PHACTR1: variants seen among roughly 807,000 people sequenced by gnomAD.
PHACTR1 encodes RPEL repeat containing 1.
PHACTR1 carries 16 observed loss-of-function variants against 69.2 expected under a neutral mutation model. The observed-to-expected ratio is 0.23, with a 90% CI of 0.16 to 0.35. The LOEUF (loss-of-function observed/expected upper bound fraction) is 0.35, where lower values mean the gene tolerates loss of function less well. PHACTR1 is among the 10% of genes least tolerant of loss of function. PHACTR1 has a pLI of 1.00. For synonymous variants in PHACTR1, 312 were observed against 284.5 expected (o/e 1.10, Z -0.97); for missense variants, 510 against 734.7 (o/e 0.69, Z 3.54).
chr6:13,200,659 C>G (rs558606159), intron 7 of PHACTR1, among the ~76,000 whole-genome samples: 4 of 152,056 alleles, frequency 2.6e-5, no homozygotes, highest in South Asian at 2.1e-4. Context: ...CAATGCTGGG[C>G]CAGGTGGCCA....
intron 5 of PHACTR1, among the ~76,000 whole-genome samples, chr6:13,099,310 C>T (rs1459223437): frequency 6.6e-6 from 1 of 152,244 alleles, no homozygotes; most frequent in African/African-American, 2.4e-5. Context: ...CGTTTGTCAC[C>T]TCCAGTAGAA....
At chr6:12,908,236 G>C (rs1269342545) in intron 4 of PHACTR1, among the ~76,000 whole-genome samples, 1 of 152,102 alleles carries the variant, frequency 6.6e-6, no homozygotes, top group Admixed American at 6.5e-5. Flanking sequence ...CTTCAAGATC[G>C]TTATCGAGTT....
intron 5 of PHACTR1, among the ~76,000 whole-genome samples, chr6:13,062,666 C>T (rs1196817799): frequency 1.3e-5 from 2 of 152,202 alleles, no homozygotes; most frequent in African/African-American, 2.4e-5. Flanking sequence ...CCAGATTTCT[C>T]ATTCCTCTAT....
intron 4 of PHACTR1, among the ~76,000 whole-genome samples, chr6:12,971,315 C>T (rs1794168099): frequency 6.6e-6 from 1 of 152,214 alleles, no homozygotes; most frequent in Admixed American, 6.5e-5. Context: ...GCACATCATA[C>T]TTAGCTGTCT....
At chr6:13,156,805 G>T (rs1237908522) in intron 5 of PHACTR1, among the ~76,000 whole-genome samples, 1 of 151,986 alleles carries the variant, frequency 6.6e-6, no homozygotes, top group Non-Finnish European at 1.5e-5. Flanking sequence ...ATCCTCCTTG[G>T]CCTTTCTCTT....
chr6:12,870,973 A>C (rs903019220), intron 4 of PHACTR1, among the ~76,000 whole-genome samples: 2 of 152,170 alleles, frequency 1.3e-5, no homozygotes, highest in Non-Finnish European at 2.9e-5. Flanking sequence ...TGAGACTAAG[A>C]CTCGAGTAAT....
intron 3 of PHACTR1, among the ~76,000 whole-genome samples, chr6:12,723,371 G>T (rs1762368689): frequency 6.6e-6 from 1 of 151,994 alleles, no homozygotes; most frequent in Non-Finnish European, 1.5e-5. Context: ...TAGACCTAGA[G>T]AATCAGAATC....
chr6:13,108,259 C>A (rs944753709), intron 5 of PHACTR1, among the ~76,000 whole-genome samples: 3 of 147,892 alleles, frequency 2.0e-5, no homozygotes, highest in African/African-American at 5.1e-5. Flanking sequence ...TGATTGCAGA[C>A]ATTTTAAATT....
At chr6:12,849,355 A>G (rs1779606860) in intron 4 of PHACTR1, among the ~76,000 whole-genome samples, 1 of 152,188 alleles carries the variant, frequency 6.6e-6, no homozygotes, top group South Asian at 2.1e-4. Context: ...GTATGAACAC[A>G]TATACTTGCC....
At chr6:13,041,355 C>CAG (rs981343122) in intron 4 of PHACTR1, among the ~76,000 whole-genome samples, 1 of 151,122 alleles carries the variant, frequency 6.6e-6, no homozygotes, top group Non-Finnish European at 1.5e-5. Flanking sequence ...CACACACACA[C>CAG]ACACACACAC....
intron 4 of PHACTR1, among the ~76,000 whole-genome samples, chr6:12,790,167 A>G (rs1772083098): frequency 6.6e-6 from 1 of 152,142 alleles, no homozygotes; most frequent in Non-Finnish European, 1.5e-5. Flanking sequence ...CCTCTGTGAA[A>G]AACCCCTTGG....
chr6:12,972,888 C>T (rs145670716), intron 4 of PHACTR1, among the ~76,000 whole-genome samples: 22 of 152,158 alleles, frequency 1.4e-4, no homozygotes, highest in Middle Eastern at 3.4e-3. Context: ...TGACCTTAGG[C>T]GATCCACCTG....
At chr6:12,877,437 C>G (rs1252407935) in intron 4 of PHACTR1, among the ~76,000 whole-genome samples, 1 of 152,130 alleles carries the variant, frequency 6.6e-6, no homozygotes, top group Non-Finnish European at 1.5e-5. Context: ...CTGTTAAACA[C>G]TATGTCGGTG....
At chr6:12,849,579 G>C (rs951096172) in intron 4 of PHACTR1, among the ~76,000 whole-genome samples, 1 of 152,166 alleles carries the variant, frequency 6.6e-6, no homozygotes, top group African/African-American at 2.4e-5. Context: ...CCATATGGGC[G>C]GGAAGTGCAA....
chr6:12,757,655 A>G (rs1767492664), intron 4 of PHACTR1, among the ~76,000 whole-genome samples: 1 of 152,138 alleles, frequency 6.6e-6, no homozygotes, highest in African/African-American at 2.4e-5. Flanking sequence ...GATGGATTGA[A>G]TGTAGGTTGT....
At position 12,795,122 on chromosome 6, in the gene PHACTR1, G is replaced by A. The variant is rs183195294; in HGVS notation, c.250+45332G>A. On this transcript the variant is annotated intron_variant, in intron 4 of 14. Coordinates refer to ENST00000332995, the MANE Select transcript of PHACTR1 (RefSeq NM_030948.6). Reference sequence around the variant, plus strand: ...TTCTATATTTCTAACAAGCTCCTGGGTGATGCTCATGCCACTGATCCATGG... The same window carrying A: ...TTCTATATTTCTAACAAGCTCCTGGATGATGCTCATGCCACTGATCCATGG... 6.2e-4 allele frequency among the ~76,000 whole-genome samples: 94 copies of A among 152,276 alleles called. 1 individual carries two copies. The highest frequency in any genetic ancestry group is 2.2e-3 in the African/African-American group (90 of 41,552).
At chr6:12,758,466 T>TAA (rs11361990) in intron 4 of PHACTR1, among the ~76,000 whole-genome samples, 40 of 95,782 alleles carry the variant, frequency 4.2e-4, no homozygotes, top group South Asian at 3.0e-3. Context: ...ACTCTCTTTC[T>TAA]AAAAAAAAAA....
At chr6:12,944,500 C>A (rs1790390593) in intron 4 of PHACTR1, among the ~76,000 whole-genome samples, 1 of 152,164 alleles carries the variant, frequency 6.6e-6, no homozygotes, top group African/African-American at 2.4e-5. Flanking sequence ...TATAAGTGCC[C>A]TTTAACAGTA....
chr6:13,092,196 C>T (rs894711076), intron 5 of PHACTR1, among the ~76,000 whole-genome samples: 71 of 152,274 alleles, frequency 4.7e-4, no homozygotes, highest in Admixed American at 2.9e-3. Context: ...ATATAGATGG[C>T]GCTTCACTCA....
Sources: allele counts gnomAD v4.1 joint callset (sites outside exome capture counted in the v4.1 genomes callset), GRCh38; gene constraint gnomAD v4.1.1; transcripts MANE v1.5; gene names NCBI Gene and HGNC (gene_info 2026-07-23, HGNC 2026-07-21).